The following IDH3A variants were observed in gnomAD, a reference collection of about 807,000 sequenced individuals.
IDH3A encodes isocitrate dehydrogenase (NAD(+)) 3 catalytic subunit alpha, also known as isocitrate dehydrogenase [NAD] subunit alpha, mitochondrial.
A neutral mutation model predicts 43.3 loss-of-function variants in IDH3A; 23 were observed. The ratio of observed to expected loss-of-function variants is 0.53; its 90% CI spans 0.38 to 0.75. IDH3A has a LOEUF of 0.75. Among genes scored for constraint, IDH3A ranks in the 30% least tolerant of loss-of-function variants. IDH3A has a pLI of 0.00. For missense variants in IDH3A, 329 were observed against 474.4 expected, an observed-to-expected ratio of 0.69 and a Z score of 2.85; for synonymous variants, 154 against 163.5, an observed-to-expected ratio of 0.94 and a Z score of 0.44.
Position 78,171,340 on chromosome 15 carries a change from A to T in IDH3A, c.*2335A>T. Reference sequence around the variant, plus strand: ...GTGCCCTGACCTGGAGATCTAACAGACTTGGCAGAAATGCCTGTGCCCAGA... The same window carrying T: ...GTGCCCTGACCTGGAGATCTAACAGTCTTGGCAGAAATGCCTGTGCCCAGA... On this transcript the variant is annotated 3_prime_UTR_variant, in exon 11 of 11. Coordinates refer to ENST00000299518, the MANE Select transcript of IDH3A (RefSeq NM_005530.3). 2 of 889,838 alleles carry T rather than the reference A, an allele frequency of 2.2e-6. No individual in the cohort carries two copies. The highest frequency in any genetic ancestry group is 3.2e-5 in the South Asian group (2 of 62,864). 55.1% of individuals were successfully genotyped at this position (889,838 alleles called of 1,614,324 possible).
Position 78,171,700 on chromosome 15 carries a change from C to T in IDH3A, c.*2695C>T. On this transcript the variant is annotated 3_prime_UTR_variant, in exon 11 of 11. Transcript: ENST00000299518. ...GTGATCGCTCCTGGTATTCATATGG[C>T]TTGTGTGTAGTCTCCTGTGTTATAC... is the stretch of plus-strand genomic sequence containing the variant. 5.2e-6 allele frequency: 3 copies of T among 578,594 alleles called. No individual in the cohort carries two copies. The highest frequency in any genetic ancestry group is 9.3e-6 in the Non-Finnish European group (3 of 322,098). 35.8% of individuals were successfully genotyped at this position (578,594 alleles called of 1,614,324 possible).
In IDH3A at chr15:78,161,656, C is replaced by T. The variant is rs766657715; in HGVS notation, c.365C>T (p.Ala122Val). The T allele has an allele frequency of 5.0e-6, 8 of 1,614,048 alleles. No homozygotes were observed. The highest frequency in any genetic ancestry group is 3.3e-5 in the Admixed American group (2 of 60,000). ...LLLRKTFDLYANVRPCVSIEG... is the reference protein window; with the variant it reads ...LLLRKTFDLYVNVRPCVSIEG... ...CTGCGCAAAACATTTGACCTTTACGCGAATGTCCGACCATGTGTCTCTATC... is the reference window on the plus strand; with the variant it reads ...CTGCGCAAAACATTTGACCTTTACGTGAATGTCCGACCATGTGTCTCTATC... Residue 122 changes from alanine (A) to valine (V), a missense_variant, in exon 5 of 11, where the codon GCG (alanine) becomes GTG (valine). Ala to Val is a moderately conservative substitution (Grantham distance 64, BLOSUM62 0). Transcript: ENST00000299518. The surrounding 1 kb of genome is among the most constrained non-coding windows in gnomAD (Gnocchi z 4.8).
chr15:78,153,954 G>A (rs1378534978), intron 1 of IDH3A, among the ~76,000 whole-genome samples: 4 of 151,778 alleles, frequency 2.6e-5, no homozygotes, highest in Non-Finnish European at 4.4e-5. Context: ...TGGTTGCAGT[G>A]AGCCGAGATT....
chr15:78,166,501 A>C, intron 10 of IDH3A, 199 bp downstream of exon 10: 1 of 604,782 alleles, frequency 1.7e-6, no homozygotes, highest in Non-Finnish European at 3.0e-6. Flanking sequence ...GAGGATCTAG[A>C]TATTTCATCC....
intron 1 of IDH3A, among the ~76,000 whole-genome samples, chr15:78,149,865 T>A (rs1266602424): frequency 6.6e-6 from 1 of 152,222 alleles, no homozygotes; most frequent in Non-Finnish European, 1.5e-5. Flanking sequence ...ACACCTCTCA[T>A]CCGCTGTCTG....
chr15:78,163,662 GTGT>G, intron 7 of IDH3A, 51 bp from the exon 8 acceptor site: 1 of 1,552,342 alleles, frequency 6.4e-7, no homozygotes, highest in Non-Finnish European at 8.9e-7. Flanking sequence ...TGGTGTCTGT[GTGT>G]TGTGGGGATG....
In IDH3A at chr15:78,170,657, G is replaced by C. The variant is rs1339628655; in HGVS notation, c.*1652G>C. On this transcript the variant is annotated 3_prime_UTR_variant, in exon 11 of 11. Coordinates refer to ENST00000299518, the MANE Select transcript of IDH3A (RefSeq NM_005530.3). ...AGAATGGAAGTGGGGTGGTCTGGTG[G>C]CGACAGGCTAACGTAGAGCTGGCTG... 2 of 149,340 alleles carry C rather than the reference G, an allele frequency of 1.3e-5. No individual in the cohort carries two copies. The highest frequency in any genetic ancestry group is 2.9e-5 in the Non-Finnish European group (2 of 68,016). The allele number at this position is 149,340 out of a possible 1,614,324, so 9.3% of individuals were successfully genotyped here.
intron 3 of IDH3A, among the ~76,000 whole-genome samples, chr15:78,158,163 C>A (rs544723086): frequency 1.4e-4 from 21 of 151,960 alleles, no homozygotes; most frequent in African/African-American, 4.3e-4. Flanking sequence ...TCTATACAGG[C>A]GCTTTTGAAA....
At chr15:78,151,215 C>T (rs1013595229) in intron 1 of IDH3A, 2 of 152,210 alleles carry the variant, frequency 1.3e-5, no homozygotes, top group Non-Finnish European at 2.9e-5. Context: ...AGAGGCTGAC[C>T]CCAGGATGGT....
intron 6 of IDH3A, among the ~76,000 whole-genome samples, chr15:78,162,609 G>C (rs12439733): frequency 0.18 from 26,243 of 147,022 alleles, 3,174 homozygotes; most frequent in East Asian, 0.58. Flanking sequence ...GCAGTGGCGC[G>C]ATCTTGGCTC....
At chr15:78,160,530 T>C (rs1982242) in intron 4 of IDH3A, among the ~76,000 whole-genome samples, 81,966 of 151,672 alleles carry the variant, frequency 0.54, 23,002 homozygotes, top group African/African-American at 0.68. Flanking sequence ...CTCGCTCTGT[T>C]GCCCAGGCTG....
Position 78,170,742 on chromosome 15 carries a change from AT to A in IDH3A, c.*1738del, listed in dbSNP as rs1403911795. On this transcript the variant is annotated 3_prime_UTR_variant, in exon 11 of 11. Coordinates refer to ENST00000299518, the MANE Select transcript of IDH3A (RefSeq NM_005530.3). ...CACCTTTGTTTATTCCAGGGCACTA[AT>A]GGTCACTCGCATGCCCGCTGTGCAC... The A allele has an allele frequency of 1.3e-5, 2 of 152,514 alleles. No individual in the cohort carries two copies. Among genetic ancestry groups the A allele is most frequent in the Non-Finnish European group, 2.9e-5 (2 of 68,048 alleles). The allele number at this position is 152,514 out of a possible 1,614,324, so 9.4% of individuals were successfully genotyped here.
At chr15:78,163,664 G>A in intron 7 of IDH3A, 52 bp from the exon 8 acceptor site, 1 of 1,556,258 alleles carries the variant, frequency 6.4e-7, no homozygotes, top group Admixed American at 1.7e-5. Flanking sequence ...GTGTCTGTGT[G>A]TTGTGGGGAT....
At position 78,170,638 on chromosome 15, in the gene IDH3A, G is replaced by C. The variant is rs184613469; in HGVS notation, c.*1633G>C. 6 of 152,372 alleles carry C rather than the reference G, an allele frequency of 3.9e-5. No homozygotes were observed. The East Asian group carries it at 1.2e-3, about 29-fold the overall frequency. 9.4% of individuals were successfully genotyped at this position (152,372 alleles called of 1,614,324 possible). A position where few individuals can be genotyped will look rare whatever the true frequency, so the allele number is the denominator to read the frequency against. ...ATGGCTGCTTCCCGTATTCAGAATG[G>C]AAGTGGGGTGGTCTGGTGGCGACAG... On this transcript the variant is annotated 3_prime_UTR_variant, in exon 11 of 11. Transcript: ENST00000299518.
chr15:78,158,437 A>G (rs913061639), intron 3 of IDH3A, among the ~76,000 whole-genome samples: 1 of 87,158 alleles, frequency 1.1e-5, no homozygotes, highest in Non-Finnish European at 2.2e-5. Flanking sequence ...AGGTTATGCA[A>G]TACATACATA....
intron 6 of IDH3A, among the ~76,000 whole-genome samples, 174 bp downstream of exon 6, chr15:78,162,541 CTCT>C (rs1266143534): frequency 7.0e-6 from 1 of 143,362 alleles, no homozygotes; most frequent in African/African-American, 2.7e-5. Context: ...CTCTTTTCTC[CTCT>C]GTTTTTTTTT....
chr15:78,153,826 C>T (rs893702607), intron 1 of IDH3A, among the ~76,000 whole-genome samples: 13 of 152,044 alleles, frequency 8.6e-5, no homozygotes, highest in Admixed American at 3.3e-4. Context: ...TGAGACCAGC[C>T]GGGCCAACAT....
intron 10 of IDH3A, chr15:78,167,855 G>A (rs1182858391): frequency 6.6e-6 from 1 of 152,134 alleles, no homozygotes; most frequent in Non-Finnish European, 1.5e-5. Context: ...ATTATATCGT[G>A]TGGCCAAAAT....
intron 4 of IDH3A, 88 bp downstream of exon 4, chr15:78,160,294 AGGCCT>A (rs533603839): frequency 1.2e-4 from 86 of 708,878 alleles, no homozygotes; most frequent in Admixed American, 9.2e-4. Context: ...AAACTGAATA[AGGCCT>A]GGCCATCTGT....
Sources: gnomAD v4.1 joint callset for allele counts (sites outside exome capture counted in the v4.1 genomes callset) on GRCh38, gnomAD v4.1.1 for gene constraint, Gnocchi (gnomAD v3.1) non-coding constraint, MANE v1.5 for transcripts, NCBI Gene and HGNC (gene_info 2026-07-23, HGNC 2026-07-21) for gene names.